Variants in ELMO3 observed in about 807,000 individuals in gnomAD.
The protein encoded by ELMO3 is engulfment and cell motility 3.
A neutral mutation model predicts 89.0 loss-of-function variants in ELMO3; 81 were observed. That is an observed-to-expected ratio of 0.91 (90% CI 0.76 to 1.09). The LOEUF (loss-of-function observed/expected upper bound fraction) is 1.09, where lower values mean the gene tolerates loss of function less well. ELMO3 is among the 50% of genes least tolerant of loss of function. ELMO3 has a pLI of 0.00. For missense variants in ELMO3, 959 were observed against 972.8 expected (o/e 0.99, Z 0.19); for synonymous variants, 406 against 400.6 (o/e 1.01, Z -0.16).
chr16:67,199,643 C>A, intron 2 of ELMO3, 41 bp from the exon 3 acceptor site: 1 of 1,607,580 alleles, frequency 6.2e-7, no homozygotes, highest in Non-Finnish European at 8.5e-7. Flanking sequence ...GCAGGAGGGG[C>A]GGCGCCCCCT....
At position 67,200,445 on chromosome 16, in the gene ELMO3, C is replaced by T. The variant is rs779424155; in HGVS notation, c.414-6C>T. The T allele has an allele frequency of 6.2e-7, 1 of 1,612,242 alleles. No individual in the cohort carries two copies. ...TCCTGCTCAGCCCCAGATGTCCCCCCTCCAGCCTAGGAGAGGTGCTGGCCC... is the reference window on the plus strand; with the variant it reads ...TCCTGCTCAGCCCCAGATGTCCCCCTTCCAGCCTAGGAGAGGTGCTGGCCC... On this transcript the variant is annotated splice_polypyrimidine_tract_variant and splice_region_variant and intron_variant, in intron 5 of 19. Transcript: ENST00000393997.
chr16:67,200,869 T>C (rs775137510), intron 7 of ELMO3, 21 bp from the exon 8 acceptor site: 1 of 1,613,760 alleles, frequency 6.2e-7, no homozygotes, highest in East Asian at 2.2e-5. Context: ...AATGTTCCAC[T>C]GAGCCCTCTT....
chr16:67,200,383 C>T (rs773614482), intron 5 of ELMO3, 22 bp downstream of exon 5: 1 of 1,612,496 alleles, frequency 6.2e-7, no homozygotes, highest in Non-Finnish European at 8.5e-7. Context: ...GATGTGTGGG[C>T]TGGGGGAGAT....
intron 1 of ELMO3, 74 bp from the exon 2 acceptor site, chr16:67,199,479 C>T: frequency 5.6e-6 from 8 of 1,427,210 alleles, no homozygotes; most frequent in East Asian, 2.3e-5. Context: ...CGGGGCAGCC[C>T]GCCCCACCCC....
chr16:67,200,378 G>A lies in ELMO3; in HGVS notation c.413+17G>A, dbSNP rs774310307. 6 of 1,613,180 alleles carry A rather than the reference G, an allele frequency of 3.7e-6. No individual in the cohort carries two copies. The Admixed American group carries it at 8.3e-5, about 22-fold the overall frequency. On this transcript the variant is annotated intron_variant, in intron 5 of 19. Coordinates refer to ENST00000393997, the MANE Select transcript of ELMO3 (RefSeq NM_024712.5). ...TGGGGACGAGTGAGCACAGGGATGTGTGGGCTGGGGGAGATGGTGGGTCTT... is the reference window on the plus strand; with the variant it reads ...TGGGGACGAGTGAGCACAGGGATGTATGGGCTGGGGGAGATGGTGGGTCTT...
At position 67,201,878 on chromosome 16, in the gene ELMO3, G is replaced by C; in HGVS notation, c.1050+5G>C. On this transcript the variant is annotated splice_donor_5th_base_variant and intron_variant, in intron 11 of 19. Transcript: ENST00000393997. Reference sequence around the variant, plus strand: ...TTCCGCAAACTGGGCTTTTCTGTGAGTATCACCCCTACCCAACTCCCCACC... The same window carrying C: ...TTCCGCAAACTGGGCTTTTCTGTGACTATCACCCCTACCCAACTCCCCACC... The C allele has an allele frequency of 6.2e-7, 1 of 1,605,674 alleles. No individual in the cohort carries two copies. Among genetic ancestry groups the C allele is most frequent in the Middle Eastern group, 1.7e-4 (1 of 6,024 alleles).
chr16:67,200,059 G>A, intron 4 of ELMO3, 58 bp downstream of exon 4: 5 of 1,585,778 alleles, frequency 3.2e-6, no homozygotes, highest in Non-Finnish European at 4.3e-6. Context: ...AGGTCCAGAG[G>A]CCCCCCGCCC....
intron 8 of ELMO3, 38 bp from the exon 9 acceptor site, chr16:67,201,347 G>A (rs771693312): frequency 1.9e-4 from 298 of 1,608,814 alleles, no homozygotes; most frequent in East Asian, 4.7e-4. Context: ...GTGAGCCACC[G>A]CGCCCAGCCT....
intron 2 of ELMO3, 30 bp from the exon 3 acceptor site, chr16:67,199,654 G>T (rs772791768): frequency 8.1e-6 from 13 of 1,608,020 alleles, no homozygotes; most frequent in Non-Finnish European, 1.1e-5. Flanking sequence ...GGCGCCCCCT[G>T]CCGGCCTCGC....
rs1461694401 is a variant in ELMO3 at position 67,201,578 on chromosome 16, T to C, written c.854T>C (p.Leu285Pro). Residue 285 changes from leucine (L) to proline (P), a missense_variant, in exon 10 of 20, where the codon CTG (leucine) becomes CCG (proline). By Grantham distance (98) the Leu-to-Pro change is moderately conservative (BLOSUM62 -3). Transcript: ENST00000393997. ...GAGATGGCTCATCACCTGTACGTACTGCAGGCTCTCATGCTGGGGCTGCTG... is the reference window on the plus strand; with the variant it reads ...GAGATGGCTCATCACCTGTACGTACCGCAGGCTCTCATGCTGGGGCTGCTG... ...GDEMAHHLYV[L>P]QALMLGLLEP... 40 of 1,613,990 alleles carry C rather than the reference T, an allele frequency of 2.5e-5. No homozygotes were observed. Among genetic ancestry groups the C allele is most frequent in the Non-Finnish European group, 3.1e-5 (37 of 1,180,032 alleles).
chr16:67,201,049 C>A, intron 8 of ELMO3, 81 bp downstream of exon 8: 1 of 1,136,788 alleles, frequency 8.8e-7, no homozygotes, highest in Non-Finnish European at 1.2e-6. Context: ...CTAAGCCCCC[C>A]TTTTTTTTTT....
chr16:67,200,872 GC>G lies in ELMO3; in HGVS notation c.666-15del. On this transcript the variant is annotated splice_polypyrimidine_tract_variant and intron_variant, in intron 7 of 19. Coordinates refer to ENST00000393997, the MANE Select transcript of ELMO3 (RefSeq NM_024712.5). ...GGCTGGAGCCTGAATGTTCCACTGAGCCCTCTTCTTGCCATAGGATGAACCA... is the reference window on the plus strand; with the variant it reads ...GGCTGGAGCCTGAATGTTCCACTGAGCCTCTTCTTGCCATAGGATGAACCA... The G allele has an allele frequency of 6.2e-7, 1 of 1,613,726 alleles. No homozygotes were observed. Among genetic ancestry groups the G allele is most frequent in the Non-Finnish European group, 8.5e-7 (1 of 1,179,900 alleles).
rs373427799 is a variant in ELMO3 at position 67,203,337 on chromosome 16, C to A, written c.1791C>A (p.Ala597=). ...LESLPEQLPV[A]DMRALLTGKD... is the part of the protein sequence containing the mutation. Reference sequence around the variant, plus strand: ...GCCTTCTTCCTGCAGTCCCTGTGGCCGACATGAGGGCACTCCTGACAGGCA... The same window carrying A: ...GCCTTCTTCCTGCAGTCCCTGTGGCAGACATGAGGGCACTCCTGACAGGCA... The change falls in exon 18 of 20, where the codon GCC becomes GCA. Residue 597 remains alanine, a synonymous_variant. Transcript: ENST00000393997. This position sits in a 1 kb window ranked among gnomAD's most constrained non-coding sequence, Gnocchi z 4.6. 1 of 1,599,756 alleles carries A rather than the reference C, an allele frequency of 6.3e-7. No homozygotes were observed. Among genetic ancestry groups the A allele is most frequent in the South Asian group, 1.1e-5 (1 of 89,616 alleles).
rs2033190635 is a variant in ELMO3 at position 67,203,961 on chromosome 16, C to T, written c.*84C>T. The T allele has an allele frequency of 1.7e-6, 2 of 1,178,678 alleles. No homozygotes were observed. Among genetic ancestry groups the T allele is most frequent in the Non-Finnish European group, 2.3e-6 (2 of 858,218 alleles). The allele number at this position is 1,178,678 out of a possible 1,614,324, so 73.0% of individuals were successfully genotyped here. A position where few individuals can be genotyped will look rare whatever the true frequency, so the allele number is the denominator to read the frequency against. On this transcript the variant is annotated 3_prime_UTR_variant, in exon 20 of 20. Coordinates refer to ENST00000393997, the MANE Select transcript of ELMO3 (RefSeq NM_024712.5). The surrounding 1 kb of genome is among the most constrained non-coding windows in gnomAD (Gnocchi z 4.6). ...GGTAGAGGAGTGCAGGCACCCTGAC[C>T]AGCAGAGATTGCTGCAGAAATAAAG... is the stretch of plus-strand genomic sequence containing the variant.
chr16:67,203,368 T>C lies in ELMO3; in HGVS notation c.1822T>C (p.Cys608Arg). The change falls in exon 18 of 20, where the codon TGC (cysteine) becomes CGC (arginine). Residue 608 changes from cysteine to arginine, a missense_variant. Cys to Arg is a radical substitution (Grantham distance 180). Transcript: ENST00000393997. The surrounding 1 kb of genome is among the most constrained non-coding windows in gnomAD (Gnocchi z 4.6). Reference sequence around the variant, plus strand: ...GAGGGCACTCCTGACAGGCAAGGACTGCCCCCATGTCCGGGAGAAGGGCTC... The same window carrying C: ...GAGGGCACTCCTGACAGGCAAGGACCGCCCCCATGTCCGGGAGAAGGGCTC... ...DMRALLTGKD[C>R]PHVREKGSGK... 6.2e-7 allele frequency: 1 copy of C among 1,609,128 alleles called. No homozygotes were observed. Among genetic ancestry groups the C allele is most frequent in the Non-Finnish European group, 8.5e-7 (1 of 1,178,652 alleles).
intron 8 of ELMO3, 122 bp from the exon 9 acceptor site, chr16:67,201,263 T>C (rs1191527777): frequency 4.2e-6 from 5 of 1,200,162 alleles, no homozygotes; most frequent in Non-Finnish European, 4.8e-6. Context: ...TTCACTGTGT[T>C]AGCCAGGTTG....
rs781430251 is a variant in ELMO3 at position 67,202,009 on chromosome 16, G to GC, written c.1089dup (p.Gly364ArgfsTer50). ...ACCCAGCACAGGACCTGGAGCGCGT[G>GC]CCCCCCGGTCTGCTGGCCCTGGACA... On this transcript the variant is annotated frameshift_variant, in exon 12 of 20. Transcript: ENST00000393997. LOFTEE classifies it high-confidence loss of function. The GC allele has an allele frequency of 2.5e-6, 4 of 1,611,662 alleles. No individual in the cohort carries two copies. The highest frequency in any genetic ancestry group is 1.1e-5 in the South Asian group (1 of 91,066).
chr16:67,199,821 A>G, intron 3 of ELMO3, 65 bp downstream of exon 3: 1 of 1,602,812 alleles, frequency 6.2e-7, no homozygotes, highest in Non-Finnish European at 8.5e-7. Context: ...TGGCCCCGAT[A>G]ACTCTGGCTC....
At position 67,199,416 on chromosome 16, in the gene ELMO3, G is replaced by A. The variant is rs771307420; in HGVS notation, c.78+12G>A. 3.7e-6 allele frequency: 6 copies of A among 1,603,188 alleles called. No homozygotes were observed. The highest frequency in any genetic ancestry group is 5.1e-6 in the Non-Finnish European group (6 of 1,179,120). On this transcript the variant is annotated intron_variant, in intron 1 of 19. Transcript: ENST00000393997. The stretch of plus-strand genomic sequence containing the variant: ...TCCAGCTGGACCAGGTCACCCGGCT[G>A]GTCCCGCCTCCATCTGCCCCACTGC...
Sources: allele counts gnomAD v4.1 joint callset, GRCh38; gene constraint gnomAD v4.1.1; non-coding constraint Gnocchi (gnomAD v3.1); transcripts MANE v1.5; gene names NCBI Gene and HGNC (gene_info 2026-07-23, HGNC 2026-07-21).